Variants in ZNF383 observed in about 807,000 individuals in gnomAD.
The protein encoded by ZNF383 is zinc finger protein 383.
In ZNF383, 32 loss-of-function variants were observed where a neutral mutation model predicts 44.2. The observed-to-expected ratio is 0.72, with a 90% confidence interval of 0.55 to 0.97. The LOEUF (loss-of-function observed/expected upper bound fraction) is 0.97. Among genes scored for constraint, ZNF383 ranks in the 50% least tolerant of loss-of-function variants. ZNF383 has a pLI of 0.00. For missense variants in ZNF383, 487 were observed against 562.5 expected (o/e 0.87, Z 1.36); for synonymous variants, 155 against 186.2 (o/e 0.83, Z 1.36).
chr19:37,242,251 A>AACTT (rs1974153841), intron 5 of ZNF383, among the ~76,000 whole-genome samples: 1 of 151,540 alleles, frequency 6.6e-6, no homozygotes, highest in Non-Finnish European at 1.5e-5. Context: ...TCATTGTAGT[A>AACTT]ACTTATTTGC....
chr19:37,247,290 G>A lies in ZNF383; in HGVS notation c.*3626G>A, dbSNP rs1251424011. 1 of 152,022 alleles carries A rather than the reference G, an allele frequency of 6.6e-6. No homozygotes were observed. Among genetic ancestry groups the A allele is most frequent in the East Asian group, 1.9e-4 (1 of 5,200 alleles). The allele number at this position is 152,022 out of a possible 1,614,324, so 9.4% of individuals were successfully genotyped here. On this transcript the variant is annotated 3_prime_UTR_variant, in exon 6 of 6. Coordinates refer to ENST00000684119, the MANE Select transcript of ZNF383 (RefSeq NM_001387601.1). ...CTGAATCCAAAATTGATATTTGATG[G>A]AAGAGAAAAAAAATGAGACAAAGTT...
rs965235661 is a variant in ZNF383, at chr19:37,243,716, T to A, written c.*52T>A. 1 of 1,244,418 alleles carries A rather than the reference T, an allele frequency of 8.0e-7. No individual in the cohort carries two copies. The highest frequency in any genetic ancestry group is 2.4e-5 in the East Asian group (1 of 42,254). 77.1% of individuals were successfully genotyped at this position (1,244,418 alleles called of 1,614,324 possible). A position where few individuals can be genotyped will look rare whatever the true frequency, so the allele number is the denominator to read the frequency against. On this transcript the variant is annotated 3_prime_UTR_variant, in exon 6 of 6. Transcript: ENST00000684119. ...CTCATATTTTAAACCAAAAATCATG[T>A]CTAATAGTTACCCTCTTCCGTAGTT...
In ZNF383 at chr19:37,243,771, A is replaced by AT; in HGVS notation, c.*108dup. 1 of 731,082 alleles carries AT rather than the reference A, an allele frequency of 1.4e-6. No individual in the cohort carries two copies. The highest frequency in any genetic ancestry group is 2.1e-6 in the Non-Finnish European group (1 of 481,644). The allele number at this position is 731,082 out of a possible 1,614,324, so 45.3% of individuals were successfully genotyped here. ...TTAAAACTTTGTATTTAAATTTTGT[A>AT]TCCAAATGTATTTCATTCCAGGTTA... On this transcript the variant is annotated 3_prime_UTR_variant, in exon 6 of 6. Transcript: ENST00000684119.
intron 2 of ZNF383, among the ~76,000 whole-genome samples, chr19:37,230,104 A>G (rs906286923): frequency 6.6e-6 from 1 of 152,078 alleles, no homozygotes; most frequent in African/African-American, 2.4e-5. Flanking sequence ...AGACCATAAT[A>G]GCTCAATCAT....
rs1373731981 is a variant in ZNF383, at chr19:37,230,416, G to A, written c.-38G>A. 5 of 1,610,914 alleles carry A rather than the reference G, an allele frequency of 3.1e-6. No individual in the cohort carries two copies. The highest frequency in any genetic ancestry group is 4.2e-6 in the Non-Finnish European group (5 of 1,178,328). Reference sequence around the variant, plus strand: ...AACACTGTCCTTTTTCAGGAGAACGGCCTCAAGGAAGACTAACCATCTGCA... The same window carrying A: ...AACACTGTCCTTTTTCAGGAGAACGACCTCAAGGAAGACTAACCATCTGCA... On this transcript the variant is annotated 5_prime_UTR_variant, in exon 3 of 6. Transcript: ENST00000684119.
At chr19:37,236,517 G>T (rs965675804) in intron 5 of ZNF383, among the ~76,000 whole-genome samples, 1 of 151,226 alleles carries the variant, frequency 6.6e-6, no homozygotes, top group South Asian at 2.1e-4. Context: ...CCTTCCAAGT[G>T]GCTGGGACCG....
At chr19:37,219,781 C>G (rs1255184792) in intron 1 of ZNF383, 1 of 152,198 alleles carries the variant, frequency 6.6e-6, no homozygotes, top group Non-Finnish European at 1.5e-5. Context: ...CTTCTCTTCT[C>G]TGGATAGTCG....
At chr19:37,230,294 G>A (rs1239670962) in intron 2 of ZNF383, 115 bp from the exon 3 acceptor site, 11 of 641,364 alleles carry the variant, frequency 1.7e-5, no homozygotes, top group Admixed American at 7.9e-5. Flanking sequence ...CCTACTAACT[G>A]GAGTTGTATC....
chr19:37,229,804 T>A (rs10416679), intron 2 of ZNF383, among the ~76,000 whole-genome samples: 17,016 of 77,814 alleles, frequency 0.22, 1,486 homozygotes, highest in African/African-American at 0.46. Flanking sequence ...ATATATATAT[T>A]TTTTTTTTTT....
intron 2 of ZNF383, among the ~76,000 whole-genome samples, chr19:37,227,176 G>A (rs534639495): frequency 2.2e-5 from 3 of 137,996 alleles, no homozygotes; most frequent in African/African-American, 5.4e-5. Context: ...GTGCAATGGC[G>A]CAATCTCGGC....
intron 3 of ZNF383, among the ~76,000 whole-genome samples, chr19:37,234,984 A>C (rs1182592530): frequency 6.6e-6 from 1 of 152,154 alleles, no homozygotes; most frequent in Admixed American, 6.6e-5. Context: ...TTTAGAAACC[A>C]CAATCTAGGC....
At chr19:37,233,887 G>A (rs1568526590) in intron 3 of ZNF383, among the ~76,000 whole-genome samples, 2 of 149,090 alleles carry the variant, frequency 1.3e-5, no homozygotes, top group African/African-American at 2.5e-5. Flanking sequence ...TTTTCGAGAC[G>A]GAGTTTCGCT....
In ZNF383 at chr19:37,242,509, G is replaced by C; in HGVS notation, c.273G>C (p.Lys91Asn). 1 of 1,611,188 alleles carries C rather than the reference G, an allele frequency of 6.2e-7. No individual in the cohort carries two copies. The highest frequency in any genetic ancestry group is 8.5e-7 in the Non-Finnish European group (1 of 1,178,476). Residue 91 changes from lysine to asparagine, a missense_variant, in exon 6 of 6, where the codon AAG (lysine) becomes AAC (asparagine). Lys to Asn is a moderately conservative substitution (Grantham distance 94, BLOSUM62 0). Transcript: ENST00000684119. ...GTGAAACCAAGTTATTATCTCTAAAGAAGGAAGTTTATGAAATAGAATTAT... is the reference window on the plus strand; with the variant it reads ...GTGAAACCAAGTTATTATCTCTAAACAAGGAAGTTTATGAAATAGAATTAT... ...SMCETKLLSL[K>N]KEVYEIELCQ...
At position 37,243,083 on chromosome 19, in the gene ZNF383, G is replaced by A. The variant is rs142046498; in HGVS notation, c.847G>A (p.Glu283Lys). 1.1e-5 allele frequency: 17 copies of A among 1,614,014 alleles called. No homozygotes were observed. In the East Asian group the frequency reaches 1.8e-4, roughly 17 times the overall value. The change falls in exon 6 of 6, where the codon GAA becomes AAA. Residue 283 changes from glutamate to lysine, a missense_variant. By Grantham distance (56) the Glu-to-Lys change is moderately conservative (BLOSUM62 1). Transcript: ENST00000684119. ...QRIHTGEKPY[E>K]CKVCGKAFTK... The stretch of plus-strand genomic sequence containing the variant: ...AATTCACACTGGTGAAAAACCTTAT[G>A]AATGTAAAGTATGTGGGAAAGCCTT...
rs1272969823 is a variant in ZNF383, at chr19:37,244,945, T to C, written c.*1281T>C. The C allele has an allele frequency of 6.6e-6, 1 of 152,230 alleles. No homozygotes were observed. Among genetic ancestry groups the C allele is most frequent in the African/African-American group, 2.4e-5 (1 of 41,470 alleles). 9.4% of individuals were successfully genotyped at this position (152,230 alleles called of 1,614,324 possible). ...TTTATTATTTTCATGACATATTTAA[T>C]GACTTTAAAATGACTATTCCCATTA... On this transcript the variant is annotated 3_prime_UTR_variant, in exon 6 of 6. Coordinates refer to ENST00000684119, the MANE Select transcript of ZNF383 (RefSeq NM_001387601.1).
In ZNF383 at chr19:37,235,654, T is replaced by C; in HGVS notation, c.115T>C (p.Tyr39His). 1.9e-6 allele frequency: 3 copies of C among 1,611,470 alleles called. No individual in the cohort carries two copies. The highest frequency in any genetic ancestry group is 2.2e-5 in the East Asian group (1 of 44,844). Reference protein sequence around the residue: ...DLYRDVMLENYGNLVSMGLYT... With the variant: ...DLYRDVMLENHGNLVSMGLYT... The stretch of plus-strand genomic sequence containing the variant: ...ATACAGAGATGTGATGTTGGAGAAC[T>C]ACGGCAATCTGGTTTCAATGGGTAA... The change falls in exon 4 of 6, where the codon TAC becomes CAC. Residue 39 changes from tyrosine (Y) to histidine (H), a missense_variant. By Grantham distance (83) the Tyr-to-His change is moderately conservative (BLOSUM62 2). Coordinates refer to ENST00000684119, the MANE Select transcript of ZNF383 (RefSeq NM_001387601.1).
intron 3 of ZNF383, among the ~76,000 whole-genome samples, chr19:37,232,794 G>A (rs921875773): frequency 3.3e-5 from 5 of 152,142 alleles, no homozygotes; most frequent in Admixed American, 3.3e-4. Context: ...TCTTAGACTT[G>A]TCCAAAAGTG....
rs1974371311 is a variant in ZNF383 at position 37,246,251 on chromosome 19, A to G, written c.*2587A>G. 6.6e-6 allele frequency: 1 copy of G among 152,208 alleles called. No individual in the cohort carries two copies. Among genetic ancestry groups the G allele is most frequent in the Non-Finnish European group, 1.5e-5 (1 of 68,038 alleles). 9.4% of individuals were successfully genotyped at this position (152,208 alleles called of 1,614,324 possible). Reference sequence around the variant, plus strand: ...AAAGTTTTCCACTATTATCAGTGATATACTCATTATCATAAGTATCTTCAT... The same window carrying G: ...AAAGTTTTCCACTATTATCAGTGATGTACTCATTATCATAAGTATCTTCAT... On this transcript the variant is annotated 3_prime_UTR_variant, in exon 6 of 6. Coordinates refer to ENST00000684119, the MANE Select transcript of ZNF383 (RefSeq NM_001387601.1).
intron 5 of ZNF383, 109 bp downstream of exon 5, chr19:37,236,183 ACTAGG>A: frequency 1.4e-6 from 1 of 737,124 alleles, no homozygotes; most frequent in East Asian, 2.7e-5. Flanking sequence ...CCATCAAGAA[ACTAGG>A]CCAGTGGAGA....
Sources: allele counts gnomAD v4.1 joint callset (sites outside exome capture counted in the v4.1 genomes callset), GRCh38; gene constraint gnomAD v4.1.1; transcripts MANE v1.5; gene names NCBI Gene and HGNC (gene_info 2026-07-23, HGNC 2026-07-21).